The following CDH11 variants were observed in gnomAD, a reference collection of about 807,000 sequenced individuals.
CDH11 encodes cadherin 11, also known as cadherin-11.
Under a neutral mutation model 67.8 loss-of-function variants are expected in CDH11, and 11 were observed. The observed-to-expected ratio is 0.16, with a 90% confidence interval of 0.10 to 0.27. The LOEUF (loss-of-function observed/expected upper bound fraction) is 0.27. CDH11 is among the 10% of genes least tolerant of loss of function. The probability of loss-of-function intolerance (pLI) is 1.00; values close to 1 mark genes in which losing one functional copy is unlikely to be tolerated. For synonymous variants in CDH11, 419 were observed against 400.0 expected, an observed-to-expected ratio of 1.05 and a Z score of -0.57; for missense variants, 847 against 1,031.2, an observed-to-expected ratio of 0.82 and a Z score of 2.45.
intron 3 of CDH11, among the ~76,000 whole-genome samples, chr16:64,999,338 T>C (rs1439703552): frequency 6.6e-6 from 1 of 150,606 alleles, no homozygotes; most frequent in Non-Finnish European, 1.5e-5. Flanking sequence ...ATTCTATGCA[T>C]ATGCAAGGAA....
chr16:64,975,848 C>A (rs1396342177), intron 8 of CDH11, among the ~76,000 whole-genome samples: 1 of 151,582 alleles, frequency 6.6e-6, no homozygotes, highest in Admixed American at 6.6e-5. Flanking sequence ...CCCCCTGAAT[C>A]AAAAATAACT....
intron 2 of CDH11, among the ~76,000 whole-genome samples, chr16:65,044,253 C>A (rs1394573786): frequency 6.6e-6 from 1 of 152,162 alleles, no homozygotes; most frequent in East Asian, 1.9e-4. Flanking sequence ...AAGGATTTAA[C>A]AAACTTGAAG....
Position 64,946,658 on chromosome 16 carries a change from C to T in CDH11, c.*945G>A. On this transcript the variant is annotated 3_prime_UTR_variant, in exon 13 of 13. Transcript: ENST00000268603. ...TTTGATTTTAAATAAACAATAAAAG[C>T]AGCAGACAGACAACAACAGATCATA... is the stretch of plus-strand genomic sequence containing the variant. The T allele has an allele frequency of 1.0e-6, 1 of 991,400 alleles. No homozygotes were observed. Among genetic ancestry groups the T allele is most frequent in the Non-Finnish European group, 1.2e-6 (1 of 822,206 alleles). 61.4% of individuals were successfully genotyped at this position (991,400 alleles called of 1,614,324 possible).
chr16:65,058,212 A>T (rs1314406809), intron 1 of CDH11, among the ~76,000 whole-genome samples: 1 of 152,142 alleles, frequency 6.6e-6, no homozygotes, highest in African/African-American at 2.4e-5. Context: ...ACAAAGTGAG[A>T]CCCTGTCTCA....
chr16:65,073,414 G>C (rs1597160254), intron 1 of CDH11, among the ~76,000 whole-genome samples: 2 of 152,282 alleles, frequency 1.3e-5, no homozygotes, highest in South Asian at 4.2e-4. Context: ...CCGAGTAGCT[G>C]GGATTACAGG....
intron 1 of CDH11, among the ~76,000 whole-genome samples, chr16:65,074,075 G>C (rs2074465951): frequency 6.6e-6 from 1 of 152,060 alleles, no homozygotes; most frequent in Admixed American, 6.5e-5. Context: ...GTTTTGTTTT[G>C]TTCTAAATCA....
intron 7 of CDH11, among the ~76,000 whole-genome samples, chr16:64,983,627 T>C (rs2072412107): frequency 6.6e-6 from 1 of 152,174 alleles, no homozygotes; most frequent in African/African-American, 2.4e-5. Context: ...ACTTTTTCTA[T>C]CATCTTCCCA....
At chr16:65,021,385 A>G (rs2142578273) in intron 2 of CDH11, among the ~76,000 whole-genome samples, 1 of 152,272 alleles carries the variant, frequency 6.6e-6, no homozygotes, top group South Asian at 2.1e-4. Flanking sequence ...GTTTTTCCCA[A>G]GGACTTCTAG....
Position 64,971,975 on chromosome 16 carries a change from C to T in CDH11, c.1480G>A (p.Gly494Ser). The T allele has an allele frequency of 6.2e-7, 1 of 1,613,976 alleles. No homozygotes were observed. Residue 494 changes from glycine to serine, a missense_variant, in exon 10 of 13, where the codon GGT becomes AGT. By Grantham distance (56) the Gly-to-Ser change is moderately conservative. This residue lies in a region of CDH11 where 612 missense variants were observed against 678.7 expected (regional missense o/e 0.90). Coordinates refer to ENST00000268603, the MANE Select transcript of CDH11 (RefSeq NM_001797.4). ...NAPKFAAPYE[G>S]FICESDQTKP... is the part of the protein sequence containing the mutation. ...GTCTGATCACTCTCACAGATGAAAC[C>T]TTCATAAGGGGCAGCAAACTTGGGA... is the stretch of plus-strand genomic sequence containing the variant.
At chr16:65,039,215 T>C (rs759992664) in intron 2 of CDH11, among the ~76,000 whole-genome samples, 6 of 152,210 alleles carry the variant, frequency 3.9e-5, no homozygotes, top group Non-Finnish European at 8.8e-5. Flanking sequence ...GATGTGTCTA[T>C]TCTAATGAAT....
intron 1 of CDH11, among the ~76,000 whole-genome samples, chr16:65,078,256 G>A (rs1211756346): frequency 6.6e-6 from 1 of 152,182 alleles, no homozygotes; most frequent in Non-Finnish European, 1.5e-5. Flanking sequence ...CCCTCACGCT[G>A]CTATTTCCAT....
intron 8 of CDH11, among the ~76,000 whole-genome samples, chr16:64,979,402 G>A (rs534021757): frequency 2.6e-4 from 39 of 152,246 alleles, no homozygotes; most frequent in African/African-American, 8.7e-4. Context: ...AGCTGAGATC[G>A]TGCCACTGCA....
chr16:65,020,828 T>C (rs1417533093), intron 2 of CDH11, among the ~76,000 whole-genome samples: 1 of 152,138 alleles, frequency 6.6e-6, no homozygotes. Context: ...AGCTGTAAAA[T>C]TTTTCATTTG....
At chr16:64,973,664 G>A (rs1263835073) in intron 8 of CDH11, among the ~76,000 whole-genome samples, 1 of 152,024 alleles carries the variant, frequency 6.6e-6, no homozygotes, top group Non-Finnish European at 1.5e-5. Context: ...AAAACTAGCT[G>A]GGGATGGTGG....
chr16:65,082,582 A>T (rs1183570529), intron 1 of CDH11, among the ~76,000 whole-genome samples: 4 of 152,220 alleles, frequency 2.6e-5, no homozygotes, highest in Non-Finnish European at 5.9e-5. Flanking sequence ...CCCAGAAAAA[A>T]AGAACTGTCT....
At chr16:65,020,394 A>T (rs910093606) in intron 2 of CDH11, among the ~76,000 whole-genome samples, 5 of 152,210 alleles carry the variant, frequency 3.3e-5, no homozygotes, top group African/African-American at 1.2e-4. Flanking sequence ...CAGTGGCATG[A>T]TCTCAGCTCA....
At chr16:65,045,721 T>C (rs1214374019) in intron 2 of CDH11, among the ~76,000 whole-genome samples, 2 of 151,976 alleles carry the variant, frequency 1.3e-5, no homozygotes, top group African/African-American at 2.4e-5. Context: ...AGTCAGTAAA[T>C]ACGTGTTTAA....
At chr16:65,011,090 A>G (rs1246478256) in intron 2 of CDH11, among the ~76,000 whole-genome samples, 1 of 126,654 alleles carries the variant, frequency 7.9e-6, no homozygotes, top group Non-Finnish European at 1.6e-5. Flanking sequence ...ATACACACAC[A>G]TATTTTTTAT....
intron 11 of CDH11, among the ~76,000 whole-genome samples, chr16:64,970,228 G>A (rs1308560205): frequency 6.6e-6 from 1 of 152,088 alleles, no homozygotes; most frequent in Non-Finnish European, 1.5e-5. Flanking sequence ...GTCTCATTTG[G>A]CATGTGCTTG....
Sources: gnomAD v4.1 joint callset for allele counts (sites outside exome capture counted in the v4.1 genomes callset) on GRCh38, gnomAD v4.1.1 for gene constraint, gnomAD v4.1.1 regional missense constraint, MANE v1.5 for transcripts, NCBI Gene and HGNC (gene_info 2026-07-23, HGNC 2026-07-21) for gene names.